DRC7: variants seen among roughly 807,000 people sequenced by gnomAD.
DRC7 encodes coiled-coil domain containing 135.
Under a neutral mutation model 104.4 loss-of-function variants are expected in DRC7, and 80 were observed. The ratio of observed to expected loss-of-function variants is 0.77; its 90% confidence interval spans 0.64 to 0.92. The LOEUF is 0.92. Ranked by LOEUF, DRC7 falls within the 40% of genes least tolerant of loss-of-function variation. DRC7 has a pLI of 0.00. For synonymous variants in DRC7, 405 were observed against 447.3 expected (o/e 0.91, Z 1.19); for missense variants, 1,034 against 1,141.1 (o/e 0.91, Z 1.35).
At chr16:57,700,416 A>G in intron 5 of DRC7, 146 bp downstream of exon 5, 1 of 1,016,666 alleles carries the variant, frequency 9.8e-7, no homozygotes, top group Non-Finnish European at 1.4e-6. Flanking sequence ...TGGGAGGCCA[A>G]GGCGGGCAGA....
At chr16:57,729,150 GTGGA>G (rs1233249689) in intron 17 of DRC7, among the ~76,000 whole-genome samples, 2 of 101,356 alleles carry the variant, frequency 2.0e-5, no homozygotes, top group Non-Finnish European at 3.5e-5. Flanking sequence ...GGATGGATGG[GTGGA>G]TGGATGAATG....
intron 16 of DRC7, 121 bp from the exon 17 acceptor site, chr16:57,728,269 C>T (rs1317504990): frequency 1.6e-5 from 14 of 875,578 alleles, no homozygotes; most frequent in East Asian, 8.4e-5. Context: ...ATCTTGGAGG[C>T]GCCATGCACT....
intron 14 of DRC7, chr16:57,726,524 C>G (rs1404663030): frequency 7.0e-6 from 4 of 572,184 alleles, no homozygotes; most frequent in Admixed American, 3.0e-5. Context: ...CTCTGCAGTC[C>G]TGGTCAGGGC....
At chr16:57,730,685 C>G (rs537318701) in intron 17 of DRC7, among the ~76,000 whole-genome samples, 4 of 129,766 alleles carry the variant, frequency 3.1e-5, no homozygotes, top group African/African-American at 1.2e-4. Context: ...CTACATGGCT[C>G]TCTCAGTCTT....
At chr16:57,709,930 C>A (rs576997774) in intron 8 of DRC7, among the ~76,000 whole-genome samples, 72 of 152,256 alleles carry the variant, frequency 4.7e-4, no homozygotes, top group African/African-American at 1.7e-3. Context: ...CCACTATGCC[C>A]AGCTAATTTT....
At chr16:57,712,824 C>T (rs533331288) in intron 8 of DRC7, among the ~76,000 whole-genome samples, 3 of 152,118 alleles carry the variant, frequency 2.0e-5, no homozygotes, top group Admixed American at 2.0e-4. Flanking sequence ...TGCACCACGC[C>T]CAGCTAAGCC....
At chr16:57,725,392 A>G (rs2048950815) in intron 13 of DRC7, 1 of 156,728 alleles carries the variant, frequency 6.4e-6, no homozygotes, top group African/African-American at 2.4e-5. Context: ...GGGACACGAA[A>G]CTAAACCATA....
intron 7 of DRC7, among the ~76,000 whole-genome samples, chr16:57,706,470 C>T (rs2048729582): frequency 7.0e-6 from 1 of 143,462 alleles, no homozygotes; most frequent in Non-Finnish European, 1.5e-5. Flanking sequence ...ATCCATCCAT[C>T]CTCCCATCCA....
chr16:57,708,141 C>A (rs765786144), intron 8 of DRC7, among the ~76,000 whole-genome samples: 1 of 152,120 alleles, frequency 6.6e-6, no homozygotes, highest in African/African-American at 2.4e-5. Flanking sequence ...TACACACACG[C>A]GCCTACAAGA....
Position 57,730,950 on chromosome 16 carries a change from A to G in DRC7, c.2411A>G (p.Lys804Arg). 1.2e-6 allele frequency: 2 copies of G among 1,613,426 alleles called. No homozygotes were observed. The highest frequency in any genetic ancestry group is 1.7e-6 in the Non-Finnish European group (2 of 1,179,928). Residue 804 changes from lysine (K) to arginine (R), a missense_variant, in exon 18 of 19, where the codon AAG (lysine) becomes AGG (arginine). Transcript: ENST00000360716. ...RFEKETQELQKKQQWYQENQV... is the reference protein window; with the variant it reads ...RFEKETQELQRKQQWYQENQV... ...CCACAGGAGACCCAGGAGCTGCAAA[A>G]GAAGCAGCAGTGGTACCAGGAGAAC...
intron 14 of DRC7, 193 bp from the exon 15 acceptor site, chr16:57,726,639 C>G (rs2048969986): frequency 1.8e-6 from 1 of 561,734 alleles, no homozygotes; most frequent in Non-Finnish European, 3.2e-6. Context: ...CAGTCCCCAG[C>G]TTTTCTGAGT....
chr16:57,704,985 T>C lies in DRC7; in HGVS notation c.809T>C (p.Ile270Thr). The change falls in exon 7 of 19, where the codon ATC becomes ACC. Residue 270 changes from isoleucine (I) to threonine (T), a missense_variant. By Grantham distance (89) the Ile-to-Thr change is moderately conservative (BLOSUM62 -1). Transcript: ENST00000360716. Reference sequence around the variant, plus strand: ...CAAGAGGTGAAGAAGCAGCAGGAGATCAGAGCCCAGGAGAAGAAGCGGCTG... The same window carrying C: ...CAAGAGGTGAAGAAGCAGCAGGAGACCAGAGCCCAGGAGAAGAAGCGGCTG... ...QEQEVKKQQE[I>T]RAQEKKRLRE... 6.2e-7 allele frequency: 1 copy of C among 1,613,290 alleles called. No individual in the cohort carries two copies. Among genetic ancestry groups the C allele is most frequent in the Non-Finnish European group, 8.5e-7 (1 of 1,179,886 alleles).
At chr16:57,700,553 A>AG (rs1331029743) in intron 5 of DRC7, among the ~76,000 whole-genome samples, 8 of 151,210 alleles carry the variant, frequency 5.3e-5, no homozygotes, top group African/African-American at 7.3e-5. Context: ...AGGCTGAGGC[A>AG]GGAGAATCGC....
intron 8 of DRC7, among the ~76,000 whole-genome samples, chr16:57,708,215 C>G (rs1567877056): frequency 6.6e-6 from 1 of 152,210 alleles, no homozygotes; most frequent in Non-Finnish European, 1.5e-5. Context: ...CTGAACACAC[C>G]TGTGTAGCCA....
At chr16:57,713,739 G>C (rs2048812554) in intron 8 of DRC7, 1 of 152,484 alleles carries the variant, frequency 6.6e-6, no homozygotes, top group Admixed American at 6.5e-5. Flanking sequence ...CTGAGGAACG[G>C]CTCGCTCATT....
At chr16:57,710,405 C>T (rs1453849397) in intron 8 of DRC7, among the ~76,000 whole-genome samples, 1 of 152,158 alleles carries the variant, frequency 6.6e-6, no homozygotes, top group Non-Finnish European at 1.5e-5. Flanking sequence ...CCCTAATAGC[C>T]TTTGCGTGGA....
At chr16:57,722,961 G>T in intron 11 of DRC7, 41 bp from the exon 12 acceptor site, 1 of 1,613,482 alleles carries the variant, frequency 6.2e-7, no homozygotes. Flanking sequence ...GAAGGCTAGG[G>T]GAGCTGGCCT....
rs538618250 is a variant in DRC7 at position 57,707,352 on chromosome 16, A to G, written c.859-108A>G. 51 of 988,828 alleles carry G rather than the reference A, an allele frequency of 5.2e-5. 1 individual carries two copies. In the South Asian group the frequency reaches 7.8e-4, roughly 15 times the overall value. 61.3% of individuals were successfully genotyped at this position (988,828 alleles called of 1,614,324 possible). A position where few individuals can be genotyped will look rare whatever the true frequency, so the allele number is the denominator to read the frequency against. On this transcript the variant is annotated intron_variant, in intron 7 of 18. Transcript: ENST00000360716. ...CACTCCGGTTGATGGTGCAGTCTAC[A>G]TCAGAACTCAGCTCTCCTGCTGGTT...
In DRC7 at chr16:57,707,538, G is replaced by T. The variant is rs116219187; in HGVS notation, c.937G>T (p.Glu313Ter). ...GGTCCTTGTGCTATCGGGGAAGCGC[G>T]AGGTGCCTGAGAACTTCTTCATCGA... is the stretch of plus-strand genomic sequence containing the variant. ...SWVLVLSGKREVPENFFIDPF... is the reference protein window; with the variant it reads ...SWVLVLSGKR Residue 313 changes from glutamate to a stop codon, truncating the protein, a stop_gained, in exon 8 of 19, where the codon GAG becomes TAG. Coordinates refer to ENST00000360716, the MANE Select transcript of DRC7 (RefSeq NM_001289162.2). LOFTEE classifies it high-confidence loss of function. The T allele has an allele frequency of 1.1e-5, 17 of 1,613,496 alleles. No individual in the cohort carries two copies. Among genetic ancestry groups the T allele is most frequent in the Non-Finnish European group, 1.4e-5 (17 of 1,180,028 alleles).
Sources: allele counts gnomAD v4.1 joint callset (sites outside exome capture counted in the v4.1 genomes callset), GRCh38; gene constraint gnomAD v4.1.1; transcripts MANE v1.5; gene names NCBI Gene and HGNC (gene_info 2026-07-23, HGNC 2026-07-21).